Variants in VRK2 observed in about 807,000 individuals in gnomAD.
The protein encoded by VRK2 is serine/threonine-protein kinase VRK2.
VRK2 carries 60 observed loss-of-function variants against 57.6 expected under a neutral mutation model. The observed-to-expected ratio is 1.04, with a 90% confidence interval of 0.85 to 1.29. The LOEUF (loss-of-function observed/expected upper bound fraction) is 1.29, where lower values mean the gene tolerates loss of function less well. VRK2 is among the 50% of genes most tolerant of loss of function. The pLI is 0.00. For missense variants in VRK2, 705 were observed against 588.1 expected, an observed-to-expected ratio of 1.20 and a Z score of -2.06; for synonymous variants, 231 against 199.2, an observed-to-expected ratio of 1.16 and a Z score of -1.35.
At chr2:57,953,947 A>T (rs1480438437) in intron 1 of VRK2, among the ~76,000 whole-genome samples, 1 of 152,168 alleles carries the variant, frequency 6.6e-6, no homozygotes, top group Non-Finnish European at 1.5e-5. Flanking sequence ...TAACAGCTTG[A>T]ATTCGGTCTT....
At chr2:58,154,994 A>T (rs553707702) in intron 12 of VRK2, among the ~76,000 whole-genome samples, 1 of 152,166 alleles carries the variant, frequency 6.6e-6, no homozygotes, top group African/African-American at 2.4e-5. Flanking sequence ...GTTTAATTAT[A>T]TTATGGTCTA....
chr2:58,140,493 A>C (rs1681174228), intron 11 of VRK2, among the ~76,000 whole-genome samples: 1 of 152,040 alleles, frequency 6.6e-6, no homozygotes, highest in Non-Finnish European at 1.5e-5. Flanking sequence ...CTTGACCACT[A>C]TCCGTATGCA....
intron 1 of VRK2, among the ~76,000 whole-genome samples, chr2:57,980,212 C>G (rs1004600840): frequency 3.9e-5 from 6 of 152,014 alleles, no homozygotes; most frequent in African/African-American, 1.2e-4. Flanking sequence ...TAGCTGTGTC[C>G]TGGAGGTTCT....
upstream of VRK2, among the ~76,000 whole-genome samples, chr2:58,042,597 A>G (rs1262695166): frequency 6.6e-6 from 1 of 152,210 alleles, no homozygotes; most frequent in Admixed American, 6.5e-5. Flanking sequence ...TTGGCCTTGT[A>G]AAGTATGCTT....
chr2:57,993,826 A>G (rs1672844762), intron 1 of VRK2, among the ~76,000 whole-genome samples: 1 of 152,344 alleles, frequency 6.6e-6, no homozygotes, highest in Middle Eastern at 3.4e-3. Context: ...AGCGCAATGC[A>G]TAGCAACATC....
intron 1 of VRK2, among the ~76,000 whole-genome samples, chr2:57,942,171 G>C (rs1317751610): frequency 2.0e-5 from 3 of 152,026 alleles, no homozygotes; most frequent in African/African-American, 7.2e-5. Flanking sequence ...TTCCAGAAGA[G>C]GTTTCCTAGT....
At chr2:58,159,887 G>A (rs767861553), downstream of VRK2, 21 of 1,585,516 alleles carry the variant, frequency 1.3e-5, no homozygotes, top group Non-Finnish European at 1.6e-5. Context: ...TCATAGAATA[G>A]TGTCATAGTA....
chr2:57,966,275 G>C (rs1251226105), intron 1 of VRK2, among the ~76,000 whole-genome samples: 1 of 152,206 alleles, frequency 6.6e-6, no homozygotes, highest in African/African-American at 2.4e-5. Context: ...GGTTGCAGCT[G>C]AGGAATACAG....
At chr2:57,986,869 G>T (rs1282042331) in intron 1 of VRK2, among the ~76,000 whole-genome samples, 1 of 152,130 alleles carries the variant, frequency 6.6e-6, no homozygotes, top group African/African-American at 2.4e-5. Context: ...AAAGTGCTGG[G>T]ATTACAGGCA....
At chr2:58,013,737 T>C (rs1673484825) in intron 1 of VRK2, among the ~76,000 whole-genome samples, 1 of 150,976 alleles carries the variant, frequency 6.6e-6, no homozygotes, top group Non-Finnish European at 1.5e-5. Context: ...CGGGCGCCTG[T>C]AGTCCCAGCT....
At chr2:57,988,815 C>T (rs1290593497) in intron 1 of VRK2, among the ~76,000 whole-genome samples, 2 of 152,244 alleles carry the variant, frequency 1.3e-5, no homozygotes, top group South Asian at 2.1e-4. Context: ...CAGCATATTG[C>T]GGGAATTCAC....
At chr2:57,924,276 G>A (rs989093692) in intron 1 of VRK2, among the ~76,000 whole-genome samples, 3 of 151,976 alleles carry the variant, frequency 2.0e-5, no homozygotes, top group Non-Finnish European at 4.4e-5. Context: ...TCGGTATTTT[G>A]ATAGGGACTG....
At chr2:58,135,854 A>T (rs1679932092) in intron 10 of VRK2, among the ~76,000 whole-genome samples, 1 of 152,204 alleles carries the variant, frequency 6.6e-6, no homozygotes, top group African/African-American at 2.4e-5. Context: ...ACAACATGTT[A>T]TTCAACACTA....
chr2:57,929,037 C>T (rs1670633773), intron 1 of VRK2, among the ~76,000 whole-genome samples: 1 of 152,156 alleles, frequency 6.6e-6, no homozygotes, highest in Non-Finnish European at 1.5e-5. Context: ...TTGCCCAAGG[C>T]CCACAATAAC....
chr2:57,984,573 T>C (rs1672535163), intron 1 of VRK2, among the ~76,000 whole-genome samples: 1 of 152,068 alleles, frequency 6.6e-6, no homozygotes, highest in Non-Finnish European at 1.5e-5. Flanking sequence ...CTTACTAAAC[T>C]AACAAAGGGA....
At chr2:58,073,680 A>C (rs1255282485) in intron 2 of VRK2, among the ~76,000 whole-genome samples, 1 of 148,612 alleles carries the variant, frequency 6.7e-6, no homozygotes, top group Non-Finnish European at 1.5e-5. Context: ...ATTTATATTT[A>C]TATAAAAGGG....
intron 1 of VRK2, among the ~76,000 whole-genome samples, chr2:57,951,067 G>A (rs1671412971): frequency 6.6e-6 from 1 of 151,956 alleles, no homozygotes; most frequent in African/African-American, 2.4e-5. Context: ...ACTCCAGCCT[G>A]GTGACAGAGC....
chr2:58,045,608 T>G (rs998737581), upstream of VRK2, among the ~76,000 whole-genome samples: 3 of 152,178 alleles, frequency 2.0e-5, no homozygotes, highest in African/African-American at 4.8e-5. Flanking sequence ...AAAAATACTT[T>G]TTTGTTTGTT....
At chr2:57,956,267 A>G (rs538714314) in intron 1 of VRK2, among the ~76,000 whole-genome samples, 11 of 152,232 alleles carry the variant, frequency 7.2e-5, no homozygotes, top group African/African-American at 2.6e-4. Context: ...TGCCTGTAGT[A>G]CTAGTTACTT....
Sources: gnomAD v4.1 joint callset for allele counts (sites outside exome capture counted in the v4.1 genomes callset) on GRCh38, gnomAD v4.1.1 for gene constraint, MANE v1.5 for transcripts, NCBI Gene and HGNC (gene_info 2026-07-23, HGNC 2026-07-21) for gene names.